Variants in PIK3CD observed in about 807,000 individuals in gnomAD.
PIK3CD encodes phosphatidylinositol 4,5-bisphosphate 3-kinase catalytic subunit delta isoform.
In PIK3CD, 20 loss-of-function variants were observed where a neutral mutation model predicts 122.9. That is an observed-to-expected ratio of 0.16 (90% CI 0.11 to 0.24). The LOEUF (loss-of-function observed/expected upper bound fraction) is 0.24. Ranked by LOEUF, PIK3CD falls within the 10% of genes least tolerant of loss-of-function variation. The probability of loss-of-function intolerance (pLI) is 1.00; values close to 1 mark genes in which losing one functional copy is unlikely to be tolerated. For synonymous variants in PIK3CD, 596 were observed against 593.4 expected (o/e 1.00, Z -0.06); for missense variants, 787 against 1,406.3 (o/e 0.56, Z 7.04).
chr1:9,631,808 G>A, the PIK3CD span, among the ~76,000 whole-genome samples: 2 of 152,114 alleles, frequency 1.3e-5, no homozygotes, highest in Non-Finnish European at 2.9e-5. Context: ...CCTCATTCCA[G>A]TTGTCCTTGC....
chr1:9,720,851 AGGCGCTAGCCCGGC>A lies in PIK3CD; in HGVS notation c.1632_1645del (p.Glu544AspfsTer11), dbSNP rs1374013062. On this transcript the variant is annotated frameshift_variant, in exon 13 of 24. Transcript: ENST00000377346. LOFTEE classifies it high-confidence loss of function. The surrounding 1 kb of genome is among the most constrained non-coding windows in gnomAD (Gnocchi z 9.0). ...CATGAAGTCCAGGAGCACTTCCCGGAGGCGCTAGCCCGGCTGCTGCTGGTCACCAAGTGGAACAA... is the reference window on the plus strand; with the variant it reads ...CATGAAGTCCAGGAGCACTTCCCGGATGCTGCTGGTCACCAAGTGGAACAA... The A allele has an allele frequency of 6.2e-7, 1 of 1,611,518 alleles. No homozygotes were observed. Among genetic ancestry groups the A allele is most frequent in the Non-Finnish European group, 8.5e-7 (1 of 1,179,104 alleles).
intron 1 of PIK3CD, among the ~76,000 whole-genome samples, chr1:9,688,909 C>T (rs922682374): frequency 2.6e-5 from 4 of 151,970 alleles, no homozygotes; most frequent in Non-Finnish European, 4.4e-5. Context: ...GCACGCACAC[C>T]GCCCGTTGTA....
chr1:9,659,383 T>C (rs569234866), intron 1 of PIK3CD, among the ~76,000 whole-genome samples: 16 of 152,344 alleles, frequency 1.1e-4, no homozygotes, highest in African/African-American at 3.8e-4. Context: ...CATGTTTTAA[T>C]TGTAAAATAT....
intron 1 of PIK3CD, among the ~76,000 whole-genome samples, chr1:9,673,292 CT>C (rs1645393004): frequency 6.6e-6 from 1 of 152,000 alleles, no homozygotes; most frequent in African/African-American, 2.4e-5. Context: ...CAGAGTCTCC[CT>C]CTGTCGCCCC....
chr1:9,660,313 G>T (rs1319097997), intron 1 of PIK3CD, among the ~76,000 whole-genome samples: 1 of 152,230 alleles, frequency 6.6e-6, no homozygotes, highest in African/African-American at 2.4e-5. Flanking sequence ...GGTGGACAGA[G>T]ACCTGTTGAA....
At chr1:9,659,415 C>T (rs1644949634) in intron 1 of PIK3CD, among the ~76,000 whole-genome samples, 1 of 152,186 alleles carries the variant, frequency 6.6e-6, no homozygotes, top group African/African-American at 2.4e-5. Context: ...AATTTACCAT[C>T]TTAAGCATTT....
the PIK3CD span, among the ~76,000 whole-genome samples, chr1:9,630,259 A>C: frequency 0.016 from 2,508 of 152,328 alleles, 64 homozygotes; most frequent in African/African-American, 0.057. Context: ...GGAGGCCGTC[A>C]GGCCTTGGAT....
At chr1:9,712,922 G>A (rs1366554985) in intron 3 of PIK3CD, among the ~76,000 whole-genome samples, 3 of 151,996 alleles carry the variant, frequency 2.0e-5, no homozygotes, top group Admixed American at 2.0e-4. Context: ...GGTGGCTCAC[G>A]TCTCTTATCA....
chr1:9,636,718 CG>C, the PIK3CD span, among the ~76,000 whole-genome samples: 1 of 152,090 alleles, frequency 6.6e-6, no homozygotes, highest in South Asian at 2.1e-4. Context: ...TTAATGTTAT[CG>C]CTTGTCCAAT....
chr1:9,670,964 G>A, intron 1 of PIK3CD, among the ~76,000 whole-genome samples: 1 of 151,944 alleles, frequency 6.6e-6, no homozygotes, highest in East Asian at 1.9e-4. Flanking sequence ...CACCTTGTTG[G>A]CCAGGCTGGT....
At position 9,729,023 on chromosome 1, in the gene PIK3CD, GAGTT is replaced by G. The variant is rs529632901; in HGVS notation, c.*1984_*1987del. ...GAGAAGACAAACCCCGCTCCGGCTGGAGTTAGTTAGAACCAGAACTTTATTGTAG... is the reference window on the plus strand; with the variant it reads ...GAGAAGACAAACCCCGCTCCGGCTGGAGTTAGAACCAGAACTTTATTGTAG... On this transcript the variant is annotated 3_prime_UTR_variant, in exon 24 of 24. Transcript: ENST00000377346. The G allele has an allele frequency of 4.2e-4, 64 of 152,360 alleles. No individual in the cohort carries two copies. The highest frequency in any genetic ancestry group is 1.5e-3 in the African/African-American group (61 of 41,582). The allele number at this position is 152,360 out of a possible 1,614,324, so 9.4% of individuals were successfully genotyped here.
At chr1:9,628,070 A>G in the PIK3CD span, among the ~76,000 whole-genome samples, 12 of 151,956 alleles carry the variant, frequency 7.9e-5, no homozygotes, top group Admixed American at 2.0e-4. Flanking sequence ...TGGGAGGCTG[A>G]GGCCAGTGGA....
In PIK3CD at chr1:9,721,704, G is replaced by T. The variant is rs546470773; in HGVS notation, c.1956-57G>T. ...TCCTGGCCTCGCTAGGTCCTGCTGG[G>T]CGGGAGGGGCTGCGTGGTGCTGCCT... is the stretch of plus-strand genomic sequence containing the variant. On this transcript the variant is annotated intron_variant, in intron 15 of 23. Coordinates refer to ENST00000377346, the MANE Select transcript of PIK3CD (RefSeq NM_005026.5). 20 of 1,605,934 alleles carry T rather than the reference G, an allele frequency of 1.2e-5. No homozygotes were observed. In the East Asian group the frequency reaches 4.5e-4, roughly 36 times the overall value.
chr1:9,692,534 G>A lies in PIK3CD; in HGVS notation c.-33+963G>A, dbSNP rs551974951. On this transcript the variant is annotated intron_variant, in intron 2 of 23. Transcript: ENST00000377346. ...GAGGTCAGGAGTTCGAGACCAGCCTGGCCAACCAACATGGTGAAACCCTGT... is the reference window on the plus strand; with the variant it reads ...GAGGTCAGGAGTTCGAGACCAGCCTAGCCAACCAACATGGTGAAACCCTGT... Among the ~76,000 whole-genome samples the A allele has an allele frequency of 1.7e-3, 263 of 150,736 alleles. 2 individuals are homozygous for A. The highest frequency in any genetic ancestry group is 3.0e-3 in the Admixed American group (45 of 14,994).
intron 1 of PIK3CD, among the ~76,000 whole-genome samples, chr1:9,660,620 C>T (rs148900940): frequency 1.3e-3 from 201 of 152,228 alleles, no homozygotes; most frequent in African/African-American, 4.5e-3. Flanking sequence ...CCAGATCCAC[C>T]GGGAAAACAG....
rs140042678 is a variant in PIK3CD at position 9,694,297 on chromosome 1, C to T, written c.-33+2726C>T. 3.9e-3 allele frequency among the ~76,000 whole-genome samples: 594 copies of T among 152,022 alleles called. 4 individuals carry two copies. Among genetic ancestry groups the T allele is most frequent in the African/African-American group, 0.014 (569 of 41,496 alleles). On this transcript the variant is annotated intron_variant, in intron 2 of 23. Transcript: ENST00000377346. The stretch of plus-strand genomic sequence containing the variant: ...CTGTAATCCCAGTCCTTTGGGAGGC[C>T]GAGGCGGGAGGATCATCACTTAAGG...
rs369366809 is a variant in PIK3CD, at chr1:9,720,029, C to T, written c.1339+12C>T. ...GCCCTCCGTCCCAGGTCGGCCCAGG[C>T]CCAGGAGGGAGAGGCGTTGGGAGTG... On this transcript the variant is annotated intron_variant, in intron 10 of 23. Coordinates refer to ENST00000377346, the MANE Select transcript of PIK3CD (RefSeq NM_005026.5). This position sits in a 1 kb window ranked among gnomAD's most constrained non-coding sequence, Gnocchi z 9.0. 47 of 1,613,302 alleles carry T rather than the reference C, an allele frequency of 2.9e-5. No homozygotes were observed. The highest frequency in any genetic ancestry group is 3.8e-5 in the Non-Finnish European group (45 of 1,179,902).
intron 2 of PIK3CD, among the ~76,000 whole-genome samples, chr1:9,697,655 C>A (rs1646471892): frequency 6.6e-6 from 1 of 151,042 alleles, no homozygotes; most frequent in East Asian, 1.9e-4. Flanking sequence ...ATCACTTGAG[C>A]TCAGGAGTTC....
At chr1:9,676,809 T>C (rs1345023274) in intron 1 of PIK3CD, among the ~76,000 whole-genome samples, 2 of 152,168 alleles carry the variant, frequency 1.3e-5, no homozygotes, top group African/African-American at 2.4e-5. Context: ...TGCCTAGTCA[T>C]GGGGGCTGGC....
Sources: gnomAD v4.1 joint callset for allele counts (sites outside exome capture counted in the v4.1 genomes callset) on GRCh38, gnomAD v4.1.1 for gene constraint, Gnocchi (gnomAD v3.1) non-coding constraint, MANE v1.5 for transcripts, NCBI Gene and HGNC (gene_info 2026-07-23, HGNC 2026-07-21) for gene names.